DSTN: variants seen among roughly 807,000 people sequenced by gnomAD.
The protein encoded by DSTN is destrin, actin depolymerizing factor, also known as destrin.
A neutral mutation model predicts 16.8 loss-of-function variants in DSTN; 10 were observed. The observed-to-expected ratio is 0.60, with a 90% CI of 0.37 to 1.01. DSTN has a LOEUF of 1.01. Ranked by LOEUF, DSTN falls within the 50% of genes least tolerant of loss-of-function variation. DSTN has a pLI of 0.01. For missense variants in DSTN, 141 were observed against 196.7 expected (o/e 0.72, Z 1.69); for synonymous variants, 57 against 58.9 (o/e 0.97, Z 0.14).
intron 1 of DSTN, 101 bp downstream of exon 1, chr20:17,570,312 C>T: frequency 7.4e-7 from 1 of 1,346,182 alleles, no homozygotes; most frequent in Non-Finnish European, 9.6e-7. Context: ...CGTGCCTCAG[C>T]CCGGGGAGGG....
In DSTN at chr20:17,608,450, G is replaced by A. The variant is rs535139939; in HGVS notation, c.*1304G>A. On this transcript the variant is annotated 3_prime_UTR_variant, in exon 4 of 4. Coordinates refer to ENST00000246069, the MANE Select transcript of DSTN (RefSeq NM_006870.4). ...TTTGACAATCAGCGTGGGCAACATAGTGGGATCTCATCTACTAAAAATAAA... is the reference window on the plus strand; with the variant it reads ...TTTGACAATCAGCGTGGGCAACATAATGGGATCTCATCTACTAAAAATAAA... The A allele has an allele frequency of 6.6e-6, 1 of 152,144 alleles. No individual in the cohort carries two copies. Among genetic ancestry groups the A allele is most frequent in the Non-Finnish European group, 1.5e-5 (1 of 68,010 alleles). The allele number at this position is 152,144 out of a possible 1,614,324, so 9.4% of individuals were successfully genotyped here.
intron 1 of DSTN, 75 bp downstream of exon 1, chr20:17,570,286 G>A: frequency 1.4e-6 from 2 of 1,414,000 alleles, no homozygotes; most frequent in Non-Finnish European, 1.8e-6. Flanking sequence ...GCGGAGTCGG[G>A]GCTAAGGGGG....
At chr20:17,584,696 T>C (rs2035387432) in intron 1 of DSTN, among the ~76,000 whole-genome samples, 1 of 150,860 alleles carries the variant, frequency 6.6e-6, no homozygotes, top group Admixed American at 6.6e-5. Flanking sequence ...TTAGAAAATA[T>C]AGAAAACTAG....
chr20:17,606,885 A>C, intron 3 of DSTN, 152 bp from the exon 4 acceptor site: 1 of 623,442 alleles, frequency 1.6e-6, no homozygotes, highest in Non-Finnish European at 2.7e-6. Flanking sequence ...TGTAGTTACA[A>C]TTATTTTTTC....
intron 1 of DSTN, among the ~76,000 whole-genome samples, chr20:17,597,158 C>CAGAA (rs770615098): frequency 8.5e-5 from 13 of 152,136 alleles, no homozygotes; most frequent in Non-Finnish European, 1.6e-4. Context: ...TTGTAAAGAT[C>CAGAA]AGAAATATGC....
At chr20:17,574,725 C>CAAAAAA (rs775060379) in intron 1 of DSTN, among the ~76,000 whole-genome samples, 2 of 52,972 alleles carry the variant, frequency 3.8e-5, no homozygotes, top group African/African-American at 1.2e-4. Flanking sequence ...GACTCAGTCT[C>CAAAAAA]AAAAAAAAAA....
chr20:17,574,649 C>T (rs2035247438), intron 1 of DSTN, among the ~76,000 whole-genome samples: 1 of 146,928 alleles, frequency 6.8e-6, no homozygotes. Flanking sequence ...TCGCTTAAAC[C>T]CAGGAGGCGG....
chr20:17,583,423 A>G (rs190278541), intron 1 of DSTN, among the ~76,000 whole-genome samples: 25 of 152,354 alleles, frequency 1.6e-4, no homozygotes, highest in African/African-American at 6.0e-4. Flanking sequence ...ATAGTTGCCA[A>G]AAGTGATAAT....
chr20:17,571,540 T>C (rs2035207349), intron 1 of DSTN, among the ~76,000 whole-genome samples: 3 of 152,240 alleles, frequency 2.0e-5, no homozygotes, highest in Admixed American at 2.0e-4. Context: ...CTTTTTAATA[T>C]CTAATTATTA....
At chr20:17,604,227 A>G (rs969444841) in intron 2 of DSTN, among the ~76,000 whole-genome samples, 2 of 152,212 alleles carry the variant, frequency 1.3e-5, no homozygotes, top group Admixed American at 1.3e-4. Flanking sequence ...TTCTGAAGAA[A>G]AAGAATTGGG....
At chr20:17,576,073 A>G (rs1405439375) in intron 1 of DSTN, 2 of 152,226 alleles carry the variant, frequency 1.3e-5, no homozygotes, top group Non-Finnish European at 2.9e-5. Flanking sequence ...ACTTAGACAA[A>G]TAAACATCGG....
At chr20:17,601,187 T>C in intron 2 of DSTN, 142 bp downstream of exon 2, 2 of 1,077,362 alleles carry the variant, frequency 1.9e-6, no homozygotes, top group Non-Finnish European at 2.5e-6. Flanking sequence ...TTCATAATGT[T>C]ACCAGGGCTG....
intron 1 of DSTN, among the ~76,000 whole-genome samples, chr20:17,598,172 A>G (rs2035548689): frequency 6.6e-6 from 1 of 152,174 alleles, no homozygotes; most frequent in Non-Finnish European, 1.5e-5. Flanking sequence ...AGGTGTTGGT[A>G]TGGACACATT....
intron 1 of DSTN, among the ~76,000 whole-genome samples, chr20:17,571,974 A>G (rs1400005520): frequency 6.6e-6 from 1 of 152,150 alleles, no homozygotes; most frequent in Non-Finnish European, 1.5e-5. Flanking sequence ...TAGACCCCCC[A>G]TTTTTAAAGG....
At position 17,599,468 on chromosome 20, in the gene DSTN, C is replaced by A. The variant is rs1430995939; in HGVS notation, c.4-1270C>A. Reference sequence around the variant, plus strand: ...TCCACAGGTCCCTTTTGGTGCCTACCAGCATAACAGATACATTGAGGCAAT... The same window carrying A: ...TCCACAGGTCCCTTTTGGTGCCTACAAGCATAACAGATACATTGAGGCAAT... On this transcript the variant is annotated intron_variant, in intron 1 of 3. Transcript: ENST00000246069. The A allele has an allele frequency of 4.6e-5, 7 of 152,236 alleles. No homozygotes were observed. The East Asian group carries it at 1.3e-3, about 29-fold the overall frequency. 9.4% of individuals were successfully genotyped at this position (152,236 alleles called of 1,614,324 possible). A position where few individuals can be genotyped will look rare whatever the true frequency, so the allele number is the denominator to read the frequency against.
At chr20:17,598,905 A>G (rs1049962089) in intron 1 of DSTN, among the ~76,000 whole-genome samples, 6 of 152,198 alleles carry the variant, frequency 3.9e-5, no homozygotes, top group African/African-American at 1.4e-4. Flanking sequence ...TAAAGATACC[A>G]TTCTTGACTC....
intron 1 of DSTN, among the ~76,000 whole-genome samples, chr20:17,579,397 A>G (rs1030673471): frequency 6.6e-6 from 1 of 152,070 alleles, no homozygotes. Context: ...CAACATGACA[A>G]AACCCAGTCT....
chr20:17,604,933 G>C (rs1297133874), intron 3 of DSTN, among the ~76,000 whole-genome samples: 1 of 152,198 alleles, frequency 6.6e-6, no homozygotes, highest in Non-Finnish European at 1.5e-5. Flanking sequence ...TCATGTAGGA[G>C]GTGGAGACTG....
intron 1 of DSTN, among the ~76,000 whole-genome samples, chr20:17,583,874 C>G (rs537204544): frequency 6.7e-6 from 1 of 150,302 alleles, no homozygotes; most frequent in Non-Finnish European, 1.5e-5. Flanking sequence ...ATAGCTGGAA[C>G]TACAGGCCCA....
Sources: gnomAD v4.1 joint callset for allele counts (sites outside exome capture counted in the v4.1 genomes callset) on GRCh38, gnomAD v4.1.1 for gene constraint, MANE v1.5 for transcripts, NCBI Gene and HGNC (gene_info 2026-07-23, HGNC 2026-07-21) for gene names.